MCC: variants seen among roughly 807,000 people sequenced by gnomAD.
The protein encoded by MCC is MCC regulator of Wnt signaling pathway, also known as colorectal mutant cancer protein.
Under a neutral mutation model 116.2 loss-of-function variants are expected in MCC, and 90 were observed. The observed-to-expected ratio is 0.77, with a 90% CI of 0.65 to 0.92. The LOEUF (loss-of-function observed/expected upper bound fraction) is 0.92. Among genes scored for constraint, MCC ranks in the 40% least tolerant of loss-of-function variants. The pLI is 0.00. For missense variants in MCC, 1,516 were observed against 1,312.2 expected (o/e 1.16, Z -2.40); for synonymous variants, 578 against 510.5 (o/e 1.13, Z -1.78).
At chr5:113,465,470 G>A (rs749933115) in intron 1 of MCC, among the ~76,000 whole-genome samples, 4 of 152,076 alleles carry the variant, frequency 2.6e-5, no homozygotes, top group Non-Finnish European at 5.9e-5. Flanking sequence ...GCTCAGTAGA[G>A]AGAGTTTTAA....
chr5:113,111,429 T>A (rs954834131), intron 6 of MCC, among the ~76,000 whole-genome samples: 8 of 152,190 alleles, frequency 5.3e-5, no homozygotes, highest in African/African-American at 1.9e-4. Context: ...TGCGATGGGA[T>A]GGCACCTGGC....
rs1357598997 is a variant in MCC at position 113,288,874 on chromosome 5, C to A, written c.627+51645G>T. On this transcript the variant is annotated intron_variant, in intron 3 of 18. Coordinates refer to ENST00000408903, the MANE Select transcript of MCC (RefSeq NM_001085377.2). ...TATGCCATAATTTCTAAACCTGTAA[C>A]ATGGGAATAACAGAAGGCACCTCAG... Among the ~76,000 whole-genome samples, 6 of 152,226 alleles carry A rather than the reference C, an allele frequency of 3.9e-5. No homozygotes were observed. The East Asian group carries it at 1.2e-3, about 29-fold the overall frequency.
intron 3 of MCC, among the ~76,000 whole-genome samples, chr5:113,288,275 A>C (rs145303127): frequency 2.6e-5 from 4 of 152,372 alleles, no homozygotes; most frequent in Non-Finnish European, 4.4e-5. Context: ...AGGAACTTAA[A>C]GCCCTGCCTG....
intron 3 of MCC, among the ~76,000 whole-genome samples, chr5:113,237,366 C>T (rs1333427074): frequency 6.6e-6 from 1 of 152,128 alleles, no homozygotes; most frequent in Non-Finnish European, 1.5e-5. Context: ...TTTAATATGA[C>T]TTGGTTATTT....
rs545868961 is a variant in MCC, at chr5:113,273,653, A to C, written c.627+66866T>G. Among the ~76,000 whole-genome samples, 7 of 152,298 alleles carry C rather than the reference A, an allele frequency of 4.6e-5. No individual in the cohort carries two copies. The South Asian group carries it at 1.4e-3, about 32-fold the overall frequency. ...GACTAAATGCAATACAACTGTTAGGAAAGAGGGGTTAAAGTAGGTATGGGG... is the reference window on the plus strand; with the variant it reads ...GACTAAATGCAATACAACTGTTAGGCAAGAGGGGTTAAAGTAGGTATGGGG... On this transcript the variant is annotated intron_variant, in intron 3 of 18. Coordinates refer to ENST00000408903, the MANE Select transcript of MCC (RefSeq NM_001085377.2).
chr5:113,312,102 T>A (rs1226497980), intron 3 of MCC, among the ~76,000 whole-genome samples: 12 of 151,474 alleles, frequency 7.9e-5, no homozygotes, highest in Admixed American at 7.9e-4. Context: ...CGAGACTCCA[T>A]CTCAAAAAAA....
intron 5 of MCC, among the ~76,000 whole-genome samples, chr5:113,123,136 G>A (rs971879191): frequency 2.0e-5 from 3 of 152,152 alleles, no homozygotes; most frequent in Non-Finnish European, 4.4e-5. Flanking sequence ...CTCAAATTCC[G>A]AGGAGAATAA....
chr5:113,090,475 A>G (rs1323497489), intron 8 of MCC, among the ~76,000 whole-genome samples: 1 of 152,228 alleles, frequency 6.6e-6, no homozygotes, highest in Non-Finnish European at 1.5e-5. Flanking sequence ...AATAAATAAT[A>G]GTACAAAATA....
At chr5:113,157,222 A>G (rs1271975681) in intron 3 of MCC, among the ~76,000 whole-genome samples, 1 of 152,172 alleles carries the variant, frequency 6.6e-6, no homozygotes, top group Non-Finnish European at 1.5e-5. Context: ...TACCCAGTGC[A>G]CACACCACTC....
At chr5:113,349,384 G>A (rs1466624499) in intron 2 of MCC, among the ~76,000 whole-genome samples, 2 of 152,014 alleles carry the variant, frequency 1.3e-5, no homozygotes, top group Non-Finnish European at 2.9e-5. Context: ...AAGCAAGGAT[G>A]GTTCAACATA....
At position 113,069,100 on chromosome 5, in the gene MCC, G is replaced by A. The variant is rs112041518; in HGVS notation, c.1926-917C>T. On this transcript the variant is annotated intron_variant, in intron 12 of 18. Transcript: ENST00000408903. ...AAATGAAAAAGTCCATTCCTCCATT[G>A]CAGTAGCCATACTTCATATGTTCAA... Among the ~76,000 whole-genome samples the A allele has an allele frequency of 2.1e-3, 323 of 152,316 alleles. 2 individuals carry two copies. The highest frequency in any genetic ancestry group is 0.01 in the Middle Eastern group (3 of 294).
At chr5:113,236,829 G>T (rs1764152307) in intron 3 of MCC, among the ~76,000 whole-genome samples, 1 of 152,176 alleles carries the variant, frequency 6.6e-6, no homozygotes, top group Non-Finnish European at 1.5e-5. Context: ...GGGACAGGCG[G>T]GGTGGCTACA....
At chr5:113,333,662 CTG>C (rs1392841594) in intron 3 of MCC, among the ~76,000 whole-genome samples, 1 of 149,802 alleles carries the variant, frequency 6.7e-6, no homozygotes, top group Non-Finnish European at 1.5e-5. Context: ...ATGAGTCTGA[CTG>C]TGTTTACAGC....
chr5:113,093,157 T>C (rs1755762166), intron 8 of MCC, among the ~76,000 whole-genome samples: 1 of 151,914 alleles, frequency 6.6e-6, no homozygotes, highest in African/African-American at 2.4e-5. Context: ...ATGCACAAAA[T>C]GGGGGGAAGG....
At chr5:113,346,526 G>C (rs1768136428) in intron 2 of MCC, among the ~76,000 whole-genome samples, 1 of 152,118 alleles carries the variant, frequency 6.6e-6, no homozygotes, top group South Asian at 2.1e-4. Context: ...CTTGAACCTG[G>C]GAGGTGGAAG....
chr5:113,088,676 A>G (rs1415564359), intron 8 of MCC, among the ~76,000 whole-genome samples: 1 of 152,182 alleles, frequency 6.6e-6, no homozygotes, highest in Non-Finnish European at 1.5e-5. Context: ...AAGAGCTATC[A>G]GAAGTTCGAA....
intron 1 of MCC, among the ~76,000 whole-genome samples, chr5:113,431,771 G>GGA (rs1770657363): frequency 7.0e-6 from 1 of 143,876 alleles, no homozygotes; most frequent in South Asian, 2.6e-4. Context: ...CAAGGGGGGG[G>GGA]GGGGGTGGAT....
At chr5:113,053,437 G>A (rs1028105455) in intron 15 of MCC, among the ~76,000 whole-genome samples, 1 of 152,146 alleles carries the variant, frequency 6.6e-6, no homozygotes, top group Admixed American at 6.5e-5. Flanking sequence ...GATGGACAGA[G>A]GCTCCACCCT....
chr5:113,051,670 G>A (rs1050673770), intron 15 of MCC, among the ~76,000 whole-genome samples: 1 of 152,204 alleles, frequency 6.6e-6, no homozygotes, highest in African/African-American at 2.4e-5. Context: ...GCTATAGTGA[G>A]CCATGACTGT....
Sources: gnomAD v4.1 joint callset for allele counts (sites outside exome capture counted in the v4.1 genomes callset) on GRCh38, gnomAD v4.1.1 for gene constraint, MANE v1.5 for transcripts, NCBI Gene and HGNC (gene_info 2026-07-23, HGNC 2026-07-21) for gene names.